TGFB3: variants seen among roughly 807,000 people sequenced by gnomAD.
The protein encoded by TGFB3 is transforming growth factor beta 3.
In TGFB3, 5 loss-of-function variants were observed where a neutral mutation model predicts 40.1. The ratio of observed to expected loss-of-function variants is 0.12; its 90% CI spans 0.07 to 0.26. The LOEUF (loss-of-function observed/expected upper bound fraction) is 0.26, where lower values mean the gene tolerates loss of function less well. TGFB3 is among the 10% of genes least tolerant of loss of function. TGFB3 has a pLI of 1.00. For missense variants in TGFB3, 373 were observed against 530.1 expected (o/e 0.70, Z 2.91); for synonymous variants, 184 against 205.6 (o/e 0.89, Z 0.90).
At chr14:75,959,708 T>A (rs940669338) in intron 6 of TGFB3, among the ~76,000 whole-genome samples, 1 of 151,036 alleles carries the variant, frequency 6.6e-6, no homozygotes, top group Non-Finnish European at 1.5e-5. Flanking sequence ...GAAGCAGAGG[T>A]TGCAGTAAGC....
At chr14:75,974,534 T>C (rs997549439) in intron 1 of TGFB3, among the ~76,000 whole-genome samples, 4 of 151,794 alleles carry the variant, frequency 2.6e-5, no homozygotes, top group African/African-American at 7.3e-5. Context: ...AAGCAAAGCT[T>C]AGGACACAAT....
intron 4 of TGFB3, among the ~76,000 whole-genome samples, chr14:75,964,502 G>C (rs1273697830): frequency 6.6e-6 from 1 of 152,170 alleles, no homozygotes; most frequent in African/African-American, 2.4e-5. Context: ...GACTTAGAAA[G>C]AGTCTCAACT....
rs1167857210 is a variant in TGFB3, at chr14:75,978,700, T to A, written c.352+1842A>T. ...AGCATCTATGGGGCCCTGCCCGGGC[T>A]TTTCCCAAGGACATCTGCTATTTGT... On this transcript the variant is annotated intron_variant, in intron 1 of 6. Coordinates refer to ENST00000238682, the MANE Select transcript of TGFB3 (RefSeq NM_003239.5). This position sits in a 1 kb window ranked among gnomAD's most constrained non-coding sequence, Gnocchi z 5.0. Among the ~76,000 whole-genome samples the A allele has an allele frequency of 6.6e-6, 1 of 152,240 alleles. No individual in the cohort carries two copies. Among genetic ancestry groups the A allele is most frequent in the Non-Finnish European group, 1.5e-5 (1 of 68,044 alleles).
In TGFB3 at chr14:75,971,333, TGA is replaced by T; in HGVS notation, c.517-80_517-79del. ...AAGATGTCACAATGCAGAGCACAGG[TGA>T]GGGAGCGATAGGAAACCAGTGGTTC... On this transcript the variant is annotated intron_variant, in intron 2 of 6. Transcript: ENST00000238682. This position sits in a 1 kb window ranked among gnomAD's most constrained non-coding sequence, Gnocchi z 4.5. The T allele has an allele frequency of 6.2e-7, 1 of 1,607,334 alleles. No homozygotes were observed. Among genetic ancestry groups the T allele is most frequent in the Admixed American group, 1.7e-5 (1 of 59,420 alleles).
In TGFB3 at chr14:75,958,966, C is replaced by G; in HGVS notation, c.*221G>C. ...AGTCTGTGTGTTCTGAAGAGTTCAG[C>G]CTTCCTCTAACCAAACCCACACTTT... On this transcript the variant is annotated 3_prime_UTR_variant, in exon 7 of 7. Transcript: ENST00000238682. 2 of 591,552 alleles carry G rather than the reference C, an allele frequency of 3.4e-6. No individual in the cohort carries two copies. The highest frequency in any genetic ancestry group is 6.1e-6 in the Non-Finnish European group (2 of 325,412). The allele number at this position is 591,552 out of a possible 1,614,324, so 36.6% of individuals were successfully genotyped here. A position where few individuals can be genotyped will look rare whatever the true frequency, so the allele number is the denominator to read the frequency against.
At chr14:75,974,719 T>G (rs1257130386) in intron 1 of TGFB3, among the ~76,000 whole-genome samples, 6 of 145,286 alleles carry the variant, frequency 4.1e-5, no homozygotes, top group Non-Finnish European at 9.0e-5. Context: ...GAGCTGAGAT[T>G]GTGTCACTGC....
rs1412066979 is a variant in TGFB3 at position 75,979,507 on chromosome 14, T to C, written c.352+1035A>G. Among the ~76,000 whole-genome samples the C allele has an allele frequency of 6.6e-6, 1 of 152,150 alleles. No individual in the cohort carries two copies. The highest frequency in any genetic ancestry group is 1.5e-5 in the Non-Finnish European group (1 of 68,028). Reference sequence around the variant, plus strand: ...ACGGCCCACGAGTGGCTCACATTCCTCTTTCCTGGGCTGTCAGTTTCTCAA... The same window carrying C: ...ACGGCCCACGAGTGGCTCACATTCCCCTTTCCTGGGCTGTCAGTTTCTCAA... On this transcript the variant is annotated intron_variant, in intron 1 of 6. Coordinates refer to ENST00000238682, the MANE Select transcript of TGFB3 (RefSeq NM_003239.5). This position sits in a 1 kb window ranked among gnomAD's most constrained non-coding sequence, Gnocchi z 4.8.
intron 3 of TGFB3, among the ~76,000 whole-genome samples, chr14:75,968,160 G>A (rs1213049267): frequency 1.3e-5 from 2 of 152,206 alleles, no homozygotes; most frequent in Non-Finnish European, 2.9e-5. Context: ...GCTCTCAGAT[G>A]TTTGCTGAAT....
rs4252318 is a variant in TGFB3 at position 75,979,702 on chromosome 14, C to G, written c.352+840G>C. Among the ~76,000 whole-genome samples, 1 of 150,416 alleles carries G rather than the reference C, an allele frequency of 6.6e-6. No individual in the cohort carries two copies. The highest frequency in any genetic ancestry group is 1.9e-4 in the East Asian group (1 of 5,140). On this transcript the variant is annotated intron_variant, in intron 1 of 6. Transcript: ENST00000238682. This position sits in a 1 kb window ranked among gnomAD's most constrained non-coding sequence, Gnocchi z 4.8. ...CGGCAGGCTCCCAGACATATCCCCCCCCCCCACCATGCACCCACTGCCACC... is the reference window on the plus strand; with the variant it reads ...CGGCAGGCTCCCAGACATATCCCCCGCCCCCACCATGCACCCACTGCCACC...
rs142601521 is a variant in TGFB3 at position 75,971,584 on chromosome 14, G to C, written c.487C>G (p.Arg163Gly). The change falls in exon 2 of 7, where the codon CGG (arginine) becomes GGG (glycine). Residue 163 changes from arginine (R) to glycine (G), a missense_variant. Coordinates refer to ENST00000238682, the MANE Select transcript of TGFB3 (RefSeq NM_003239.5). The surrounding 1 kb of genome is among the most constrained non-coding windows in gnomAD (Gnocchi z 4.5). Reference protein sequence around the residue: ...VLRVPNPSSKRNEQRIELFQI... With the variant: ...VLRVPNPSSKGNEQRIELFQI... ...AAGAGCTCGATCCTCTGCTCATTCC[G>C]CTTAGAGCTGGGGTTGGGCACCCGC... 2 of 1,614,060 alleles carry C rather than the reference G, an allele frequency of 1.2e-6. No individual in the cohort carries two copies. The highest frequency in any genetic ancestry group is 8.5e-7 in the Non-Finnish European group (1 of 1,180,036).
rs770794960 is a variant in TGFB3, at chr14:75,971,432, G to A, written c.516+123C>T. The A allele has an allele frequency of 2.7e-5, 42 of 1,530,864 alleles. 1 individual carries two copies. The highest frequency in any genetic ancestry group is 2.2e-4 in the Middle Eastern group (1 of 4,456). 94.8% of individuals were successfully genotyped at this position (1,530,864 alleles called of 1,614,324 possible). A position where few individuals can be genotyped will look rare whatever the true frequency, so the allele number is the denominator to read the frequency against. Reference sequence around the variant, plus strand: ...TAATGACAGACACAGATACGGAAACGAAGGCTCAGAGAAGCCAGGATTCAA... The same window carrying A: ...TAATGACAGACACAGATACGGAAACAAAGGCTCAGAGAAGCCAGGATTCAA... On this transcript the variant is annotated intron_variant, in intron 2 of 6. Transcript: ENST00000238682. This position sits in a 1 kb window ranked among gnomAD's most constrained non-coding sequence, Gnocchi z 4.5.
chr14:75,959,457 C>A, intron 6 of TGFB3, 112 bp from the exon 7 acceptor site: 1 of 1,292,130 alleles, frequency 7.7e-7, no homozygotes, highest in Non-Finnish European at 1.1e-6. Flanking sequence ...GCTAGAATGG[C>A]CACGGGTGCT....
chr14:75,972,826 G>A (rs539775003), intron 1 of TGFB3, among the ~76,000 whole-genome samples: 1 of 152,288 alleles, frequency 6.6e-6, no homozygotes, highest in South Asian at 2.1e-4. Context: ...TTGTGTTTTA[G>A]ACCCAATAAA....
chr14:75,977,326 G>A (rs1300669429), intron 1 of TGFB3, among the ~76,000 whole-genome samples: 1 of 152,090 alleles, frequency 6.6e-6, no homozygotes, highest in Non-Finnish European at 1.5e-5. Context: ...AAGTAAAAAA[G>A]CTGTGTCCTT....
chr14:75,969,007 G>T (rs1200320624), intron 3 of TGFB3, among the ~76,000 whole-genome samples: 1 of 152,286 alleles, frequency 6.6e-6, no homozygotes, highest in African/African-American at 2.4e-5. Context: ...CCCATCTCAA[G>T]GGGTGGCCGG....
At chr14:75,967,820 G>C (rs749501117) in intron 3 of TGFB3, among the ~76,000 whole-genome samples, 9 of 152,184 alleles carry the variant, frequency 5.9e-5, no homozygotes, top group Non-Finnish European at 8.8e-5. Context: ...GTAGTGCCAG[G>C]ATTCAAGCAC....
rs1282010216 is a variant in TGFB3 at position 75,980,451 on chromosome 14, T to G, written c.352+91A>C. 3.5e-5 allele frequency: 46 copies of G among 1,318,912 alleles called. No individual in the cohort carries two copies. In the Admixed American group the frequency reaches 7.6e-4, roughly 22 times the overall value. The allele number at this position is 1,318,912 out of a possible 1,614,324, so 81.7% of individuals were successfully genotyped here. A position where few individuals can be genotyped will look rare whatever the true frequency, so the allele number is the denominator to read the frequency against. ...GCTGGTGAATCCTGGGGCACCCTGC[T>G]GTGTGGCCAGCACTAGGCCCCCCTC... On this transcript the variant is annotated intron_variant, in intron 1 of 6. Transcript: ENST00000238682. The surrounding 1 kb of genome is among the most constrained non-coding windows in gnomAD (Gnocchi z 4.3).
Position 75,971,344 on chromosome 14 carries a change from T to C in TGFB3, c.517-89A>G, listed in dbSNP as rs2140245444. The stretch of plus-strand genomic sequence containing the variant: ...ATGCAGAGCACAGGTGAGGGAGCGA[T>C]AGGAAACCAGTGGTTCCTGAATGCC... On this transcript the variant is annotated intron_variant, in intron 2 of 6. Transcript: ENST00000238682. This position sits in a 1 kb window ranked among gnomAD's most constrained non-coding sequence, Gnocchi z 4.5. The C allele has an allele frequency of 1.2e-6, 2 of 1,600,856 alleles. No individual in the cohort carries two copies. The highest frequency in any genetic ancestry group is 2.2e-5 in the East Asian group (1 of 44,678).
In TGFB3 at chr14:75,965,712, A is replaced by G. The variant is rs937023243; in HGVS notation, c.647-17T>C. On this transcript the variant is annotated splice_polypyrimidine_tract_variant and intron_variant, in intron 3 of 6. Transcript: ENST00000238682. ...AGTTGGACTCTGCAAAATAAGACAGAATTAGTGAGAAAAGCACCTCTGTGT... is the reference window on the plus strand; with the variant it reads ...AGTTGGACTCTGCAAAATAAGACAGGATTAGTGAGAAAAGCACCTCTGTGT... 2 of 1,601,752 alleles carry G rather than the reference A, an allele frequency of 1.2e-6. No homozygotes were observed. Among genetic ancestry groups the G allele is most frequent in the Admixed American group, 3.3e-5 (2 of 60,012 alleles).
Sources: gnomAD v4.1 joint callset for allele counts (sites outside exome capture counted in the v4.1 genomes callset) on GRCh38, gnomAD v4.1.1 for gene constraint, Gnocchi (gnomAD v3.1) non-coding constraint, MANE v1.5 for transcripts, NCBI Gene and HGNC (gene_info 2026-07-23, HGNC 2026-07-21) for gene names.